The following NR6A1 variants were observed in gnomAD, a reference collection of about 807,000 sequenced individuals.
NR6A1 encodes nuclear receptor subfamily 6 group A member 1.
Under a neutral mutation model 59.1 loss-of-function variants are expected in NR6A1, and 7 were observed. That is an observed-to-expected ratio of 0.12 (90% CI 0.07 to 0.22). The LOEUF (loss-of-function observed/expected upper bound fraction) is 0.22. NR6A1 is among the 10% of genes least tolerant of loss of function. The pLI is 1.00. For missense variants in NR6A1, 468 were observed against 611.6 expected, an observed-to-expected ratio of 0.77 and a Z score of 2.48; for synonymous variants, 243 against 236.1, an observed-to-expected ratio of 1.03 and a Z score of -0.27.
intron 2 of NR6A1, among the ~76,000 whole-genome samples, chr9:124,584,194 A>G (rs1588686418): frequency 6.9e-6 from 1 of 145,430 alleles, no homozygotes; most frequent in African/African-American, 2.6e-5. Flanking sequence ...TGCAACCTCC[A>G]CCTCCCACGT....
At chr9:124,724,297 A>C (rs547615792) in intron 2 of NR6A1, among the ~76,000 whole-genome samples, 4 of 152,166 alleles carry the variant, frequency 2.6e-5, no homozygotes, top group Non-Finnish European at 4.4e-5. Flanking sequence ...GTGGGATTAG[A>C]GATGCTTCTA....
At chr9:124,561,827 G>C (rs957518100) in intron 2 of NR6A1, among the ~76,000 whole-genome samples, 12 of 152,094 alleles carry the variant, frequency 7.9e-5, no homozygotes, top group African/African-American at 2.7e-4. Flanking sequence ...CAGAAAAATT[G>C]CTTGAACCCA....
At chr9:124,613,090 C>G (rs1475390631) in intron 2 of NR6A1, among the ~76,000 whole-genome samples, 2 of 152,084 alleles carry the variant, frequency 1.3e-5, no homozygotes, top group African/African-American at 2.4e-5. Context: ...TAATCCCAGC[C>G]TTTGGGAGGC....
intron 2 of NR6A1, among the ~76,000 whole-genome samples, chr9:124,595,266 G>T (rs1024202918): frequency 6.6e-6 from 1 of 152,180 alleles, no homozygotes; most frequent in Admixed American, 6.5e-5. Context: ...ATCCCAAACT[G>T]TAAAGTATAG....
chr9:124,581,999 G>C lies in NR6A1; in HGVS notation c.143-27429C>G, dbSNP rs183143393. On this transcript the variant is annotated intron_variant, in intron 2 of 9. Coordinates refer to ENST00000487099, the MANE Select transcript of NR6A1 (RefSeq NM_033334.4). ...GAGAGTGAATATTAGTTCAACCATT[G>C]TAGAAGATGTTGTGGTGATTTCTCA... is the stretch of plus-strand genomic sequence containing the variant. 1.4e-3 allele frequency among the ~76,000 whole-genome samples: 206 copies of C among 152,308 alleles called. 2 individuals carry two copies. The highest frequency in any genetic ancestry group is 2.1e-3 in the Non-Finnish European group (140 of 68,022).
intron 2 of NR6A1, among the ~76,000 whole-genome samples, chr9:124,601,444 C>G (rs1488742452): frequency 6.6e-6 from 1 of 151,226 alleles, no homozygotes; most frequent in Admixed American, 6.6e-5. Context: ...ATTAGCCGGG[C>G]GTCATGGCGG....
At chr9:124,526,076 G>A (rs1464230067) in intron 8 of NR6A1, among the ~76,000 whole-genome samples, 1 of 152,154 alleles carries the variant, frequency 6.6e-6, no homozygotes, top group African/African-American at 2.4e-5. Context: ...ACAGGACGAG[G>A]GCACTTGCAA....
At chr9:124,546,159 A>G (rs536411208) in intron 3 of NR6A1, among the ~76,000 whole-genome samples, 15 of 152,336 alleles carry the variant, frequency 9.8e-5, no homozygotes, top group African/African-American at 3.6e-4. Context: ...CAGAGTAACA[A>G]AATACGTATA....
intron 2 of NR6A1, among the ~76,000 whole-genome samples, chr9:124,609,839 G>A (rs1362577118): frequency 1.3e-5 from 2 of 152,210 alleles, no homozygotes; most frequent in East Asian, 1.9e-4. Context: ...CTTGTTAGCT[G>A]TATTCCTAGG....
At chr9:124,725,778 A>G (rs1174313420) in intron 2 of NR6A1, among the ~76,000 whole-genome samples, 2 of 152,198 alleles carry the variant, frequency 1.3e-5, no homozygotes, top group African/African-American at 4.8e-5. Flanking sequence ...TCTCTAGTCA[A>G]CTTAAGAGAA....
intron 2 of NR6A1, among the ~76,000 whole-genome samples, chr9:124,724,750 T>TA (rs1454391766): frequency 1.3e-5 from 2 of 152,248 alleles, no homozygotes; most frequent in African/African-American, 2.4e-5. Flanking sequence ...CAGCTGTTGC[T>TA]AATCCAACTA....
At chr9:124,678,821 C>G (rs1011257037) in intron 2 of NR6A1, among the ~76,000 whole-genome samples, 1 of 152,150 alleles carries the variant, frequency 6.6e-6, no homozygotes, top group Non-Finnish European at 1.5e-5. Flanking sequence ...AGACCTCACT[C>G]AGGAAATAAA....
chr9:124,760,335 AAAAAT>A (rs1225049678), intron 1 of NR6A1, among the ~76,000 whole-genome samples: 1 of 151,930 alleles, frequency 6.6e-6, no homozygotes, highest in African/African-American at 2.4e-5. Context: ...AAATAAAAAT[AAAAAT>A]AAAATAAAAG....
At chr9:124,695,171 C>T (rs1838705607) in intron 2 of NR6A1, among the ~76,000 whole-genome samples, 1 of 152,168 alleles carries the variant, frequency 6.6e-6, no homozygotes, top group Non-Finnish European at 1.5e-5. Context: ...CACTATTCTG[C>T]TGAGTGCAGA....
intron 2 of NR6A1, among the ~76,000 whole-genome samples, chr9:124,556,350 G>GA (rs1338091801): frequency 6.6e-6 from 1 of 152,118 alleles, no homozygotes; most frequent in African/African-American, 2.4e-5. Context: ...ACCAACCAAG[G>GA]AATGACGGCA....
At chr9:124,530,030 C>A (rs1833054399) in intron 7 of NR6A1, among the ~76,000 whole-genome samples, 1 of 152,128 alleles carries the variant, frequency 6.6e-6, no homozygotes, top group Admixed American at 6.5e-5. Flanking sequence ...CTTTAATCAG[C>A]AACCCCTTGC....
intron 3 of NR6A1, among the ~76,000 whole-genome samples, chr9:124,548,842 C>T (rs1317733087): frequency 1.3e-5 from 2 of 151,950 alleles, no homozygotes; most frequent in Admixed American, 6.6e-5. Flanking sequence ...TAACATGACA[C>T]CCACCCCCAC....
At chr9:124,760,164 T>G (rs1422839607) in intron 1 of NR6A1, among the ~76,000 whole-genome samples, 1 of 151,350 alleles carries the variant, frequency 6.6e-6, no homozygotes, top group Non-Finnish European at 1.5e-5. Flanking sequence ...ACACAAAAAT[T>G]AGTCAGGCAT....
At chr9:124,691,100 A>C (rs1267719543) in intron 2 of NR6A1, among the ~76,000 whole-genome samples, 2 of 152,186 alleles carry the variant, frequency 1.3e-5, no homozygotes, top group Non-Finnish European at 2.9e-5. Flanking sequence ...ATATTATTGG[A>C]CCAAGAGGAA....
Sources: gnomAD v4.1 joint callset for allele counts (sites outside exome capture counted in the v4.1 genomes callset) on GRCh38, gnomAD v4.1.1 for gene constraint, MANE v1.5 for transcripts, NCBI Gene and HGNC (gene_info 2026-07-23, HGNC 2026-07-21) for gene names.